Variants in TJP2 observed in about 807,000 individuals in gnomAD.
TJP2 encodes Friedreich ataxia region gene X104 (tight junction protein ZO-2).
In TJP2, 91 loss-of-function variants were observed where a neutral mutation model predicts 133.1. The ratio of observed to expected loss-of-function variants is 0.68; its 90% CI spans 0.58 to 0.81. The LOEUF is 0.81. Among genes scored for constraint, TJP2 ranks in the 40% least tolerant of loss-of-function variants. TJP2 has a pLI of 0.00. For synonymous variants in TJP2, 592 were observed against 583.4 expected (o/e 1.01, Z -0.21); for missense variants, 1,541 against 1,565.6 (o/e 0.98, Z 0.26).
chr9:69,222,788 G>T (rs560319963), intron 5 of TJP2, among the ~76,000 whole-genome samples: 57 of 151,402 alleles, frequency 3.8e-4, no homozygotes, highest in African/African-American at 1.2e-3. Flanking sequence ...ATGGGGTGGA[G>T]CCGGGTGCAG....
At chr9:69,155,689 A>G (rs1823719946) in intron 2 of TJP2, among the ~76,000 whole-genome samples, 1 of 152,236 alleles carries the variant, frequency 6.6e-6, no homozygotes, top group South Asian at 2.1e-4. Context: ...AGCATCTCGC[A>G]CTGTGCTGCT....
intron 1 of TJP2, among the ~76,000 whole-genome samples, chr9:69,211,223 G>A (rs1827885355): frequency 6.6e-6 from 1 of 152,136 alleles, no homozygotes; most frequent in Non-Finnish European, 1.5e-5. Context: ...TGTAATCCTA[G>A]CTACCCAGGA....
Position 69,254,695 on chromosome 9 carries a change from C to A in TJP2, c.*321C>A, listed in dbSNP as rs1831580560. 1 of 571,294 alleles carries A rather than the reference C, an allele frequency of 1.8e-6. No homozygotes were observed. Among genetic ancestry groups the A allele is most frequent in the Non-Finnish European group, 3.1e-6 (1 of 322,064 alleles). The allele number at this position is 571,294 out of a possible 1,614,324, so 35.4% of individuals were successfully genotyped here. On this transcript the variant is annotated 3_prime_UTR_variant, in exon 23 of 23. Transcript: ENST00000377245. ...TACTTGTAATATGTATATTAAGAAGCAATAACTATTTTTCCTCATTAATAG... is the reference window on the plus strand; with the variant it reads ...TACTTGTAATATGTATATTAAGAAGAAATAACTATTTTTCCTCATTAATAG...
chr9:69,223,768 A>G (rs1002586858), intron 5 of TJP2, among the ~76,000 whole-genome samples: 16 of 152,282 alleles, frequency 1.1e-4, no homozygotes, highest in Admixed American at 2.0e-4. Context: ...CCCTTATTCC[A>G]TTCTTGACTA....
At chr9:69,249,957 T>G (rs992248466) in intron 20 of TJP2, among the ~76,000 whole-genome samples, 1 of 152,336 alleles carries the variant, frequency 6.6e-6, no homozygotes, top group Non-Finnish European at 1.5e-5. Context: ...CTTATTTGTT[T>G]AATAAATCAT....
chr9:69,132,945 A>G (rs1278454984), intron 1 of TJP2, among the ~76,000 whole-genome samples: 3 of 147,910 alleles, frequency 2.0e-5, no homozygotes, highest in African/African-American at 5.0e-5. Flanking sequence ...TCATTTCTTC[A>G]TCTAAAAACA....
chr9:69,145,855 T>C lies in TJP2; in HGVS notation c.-130-5796T>C, dbSNP rs533025216. 9.2e-6 allele frequency: 11 copies of C among 1,201,574 alleles called. 2 individuals carry two copies. The South Asian group carries it at 2.1e-4, about 23-fold the overall frequency. The allele number at this position is 1,201,574 out of a possible 1,614,324, so 74.4% of individuals were successfully genotyped here. A position where few individuals can be genotyped will look rare whatever the true frequency, so the allele number is the denominator to read the frequency against. Reference sequence around the variant, plus strand: ...GAGGCTGGAAGCTTCTCACTATAGATGTAAATACTTTTTGTCTGTTTTGGG... The same window carrying C: ...GAGGCTGGAAGCTTCTCACTATAGACGTAAATACTTTTTGTCTGTTTTGGG... On this transcript the variant is annotated intron_variant, in intron 1 of 5. Coordinates refer to the TJP2 transcript ENST00000423935.
Position 69,221,863 on chromosome 9 carries a change from CTT to C in TJP2, c.952+385_952+386del, listed in dbSNP as rs11308693. 3.6e-3 allele frequency among the ~76,000 whole-genome samples: 401 copies of C among 112,232 alleles called. 2 individuals carry two copies. The highest frequency in any genetic ancestry group is 5.4e-3 in the Non-Finnish European group (311 of 57,426). The allele number at this position is 112,232 out of a possible 152,430, so 73.6% of individuals were successfully genotyped here. On this transcript the variant is annotated intron_variant, in intron 5 of 22. Coordinates refer to ENST00000377245, the MANE Select transcript of TJP2 (RefSeq NM_004817.4). ...CACCACGCCTGGCCAGGAATAGCTACTTTTTTTTTTTTTTTTTTTGAGACGGA... is the reference window on the plus strand; with the variant it reads ...CACCACGCCTGGCCAGGAATAGCTACTTTTTTTTTTTTTTTTTGAGACGGA...
chr9:69,159,254 C>A (rs1262455858), intron 2 of TJP2, among the ~76,000 whole-genome samples: 1 of 151,892 alleles, frequency 6.6e-6, no homozygotes, highest in Non-Finnish European at 1.5e-5. Context: ...CCAGGAGGTC[C>A]AGACTGCAAT....
At chr9:69,136,530 A>G (rs1822738139) in intron 1 of TJP2, among the ~76,000 whole-genome samples, 1 of 152,238 alleles carries the variant, frequency 6.6e-6, no homozygotes, top group African/African-American at 2.4e-5. Context: ...TTTATGTAAA[A>G]AAGTTTTTTT....
intron 14 of TJP2, 43 bp downstream of exon 14, chr9:69,237,179 C>T: frequency 6.2e-7 from 1 of 1,609,308 alleles, no homozygotes; most frequent in South Asian, 1.1e-5. Flanking sequence ...TGACTGGGCT[C>T]TGAGCCTGTT....
At position 69,221,476 on chromosome 9, in the gene TJP2, T is replaced by C. The variant is rs1588093808; in HGVS notation, c.932T>C (p.Met311Thr). 2 of 1,601,684 alleles carry C rather than the reference T, an allele frequency of 1.2e-6. No individual in the cohort carries two copies. Among genetic ancestry groups the C allele is most frequent in the East Asian group, 2.2e-5 (1 of 44,486 alleles). ...CCGGGGCCCATCGGGGTCCTCCTGA[T>C]GAAAAGCAGAGCGAACGAAGGTAGG... ...GRPGPIGVLL[M>T]KSRANEEYGL... Residue 311 changes from methionine to threonine, a missense_variant, in exon 5 of 23, where the codon ATG (methionine) becomes ACG (threonine). Physicochemically the swap from Met to Thr is moderately conservative, Grantham distance 81. Transcript: ENST00000377245.
upstream of TJP2, among the ~76,000 whole-genome samples, chr9:69,172,668 C>T (rs1275271930): frequency 6.6e-6 from 1 of 152,138 alleles, no homozygotes; most frequent in Admixed American, 6.5e-5. Flanking sequence ...CTTTCAAGTG[C>T]TATCATTTTT....
At position 69,165,108 on chromosome 9, in the gene TJP2, G is replaced by A. The variant is rs925618268; in HGVS notation, c.-10+13337G>A. On this transcript the variant is annotated intron_variant, in intron 2 of 5. Transcript: ENST00000423935. ...GCCTCCCAAAGTGCTGGGATTACAG[G>A]CTTGAGCCACGGCGCCTGGCTGGAT... is the stretch of plus-strand genomic sequence containing the variant. Among the ~76,000 whole-genome samples, 3 of 152,148 alleles carry A rather than the reference G, an allele frequency of 2.0e-5. No homozygotes were observed. In the East Asian group the frequency reaches 5.8e-4, roughly 29 times the overall value.
At chr9:69,240,698 A>G (rs1020496963) in intron 17 of TJP2, among the ~76,000 whole-genome samples, 3 of 151,890 alleles carry the variant, frequency 2.0e-5, no homozygotes, top group Admixed American at 2.0e-4. Flanking sequence ...GTGCATGCCT[A>G]TGGCTGAGGT....
intron 1 of TJP2, among the ~76,000 whole-genome samples, chr9:69,198,566 G>A (rs1826765932): frequency 6.6e-6 from 1 of 152,158 alleles, no homozygotes; most frequent in African/African-American, 2.4e-5. Context: ...GTAGGTCTGG[G>A]ATCTAGTTGT....
intron 1 of TJP2, among the ~76,000 whole-genome samples, chr9:69,182,327 C>A (rs1825572822): frequency 6.6e-6 from 1 of 152,176 alleles, no homozygotes; most frequent in African/African-American, 2.4e-5. Flanking sequence ...AGAAATGGAG[C>A]TGGAAACATT....
chr9:69,237,044 A>G lies in TJP2; in HGVS notation c.2087A>G (p.Lys696Arg). 6 of 1,614,172 alleles carry G rather than the reference A, an allele frequency of 3.7e-6. No homozygotes were observed. The highest frequency in any genetic ancestry group is 5.1e-6 in the Non-Finnish European group (6 of 1,180,032). The change falls in exon 14 of 23, where the codon AAG becomes AGG. Residue 696 changes from lysine to arginine, a missense_variant. Lys to Arg is a conservative substitution (Grantham distance 26). Coordinates refer to ENST00000377245, the MANE Select transcript of TJP2 (RefSeq NM_004817.4). The part of the protein sequence containing the change: ...WRMRGQRSGV[K>R]KNLRKSREDL... The stretch of plus-strand genomic sequence containing the variant: ...ATGCGTGGCCAGAGGTCTGGGGTGA[A>G]GAAGAACCTGAGGAAAAGTCGGGAA...
chr9:69,174,491 C>T, intron 1 of TJP2, 59 bp downstream of exon 1: 1 of 1,005,174 alleles, frequency 9.9e-7, no homozygotes. Flanking sequence ...AGCGTGGGAG[C>T]GCTGGGGGCT....
Sources: allele counts gnomAD v4.1 joint callset (sites outside exome capture counted in the v4.1 genomes callset), GRCh38; gene constraint gnomAD v4.1.1; transcripts MANE v1.5; gene names NCBI Gene and HGNC (gene_info 2026-07-23, HGNC 2026-07-21).